CROCC: variants seen among roughly 807,000 people sequenced by gnomAD.
CROCC encodes ciliary rootlet coiled-coil, rootletin.
Under a neutral mutation model 245.2 loss-of-function variants are expected in CROCC, and 180 were observed. The ratio of observed to expected loss-of-function variants is 0.73; its 90% confidence interval spans 0.65 to 0.83. The LOEUF is 0.83. Ranked by LOEUF, CROCC falls within the 40% of genes least tolerant of loss-of-function variation. The pLI, the probability that CROCC is intolerant of heterozygous loss-of-function variation, is 0.00. For synonymous variants in CROCC, 1,205 were observed against 1,241.6 expected, an observed-to-expected ratio of 0.97 and a Z score of 0.62; for missense variants, 2,688 against 2,779.4, an observed-to-expected ratio of 0.97 and a Z score of 0.74.
intron 10 of CROCC, 150 bp from the exon 11 acceptor site, chr1:16,938,250 C>CG: frequency 1.4e-6 from 1 of 690,600 alleles, no homozygotes; most frequent in Non-Finnish European, 2.5e-6. Flanking sequence ...GTGAGGGCCT[C>CG]GGGCCTGCTG....
In CROCC at chr1:16,962,719, C is replaced by CAT. The variant is rs530941590; in HGVS notation, c.4405+1600_4405+1601dup. ...ATGTGTGTGTGTGTATATAAATATA[C>CAT]ATATATATATATGTATATTTTTTTT... On this transcript the variant is annotated intron_variant, in intron 27 of 36. Transcript: ENST00000375541. Among the ~76,000 whole-genome samples the CAT allele has an allele frequency of 2.8e-4, 41 of 147,444 alleles. 1 individual carries two copies. The highest frequency in any genetic ancestry group is 1.2e-3 in the East Asian group (6 of 4,906).
chr1:16,962,157 G>T (rs2076343759), intron 27 of CROCC, among the ~76,000 whole-genome samples: 5 of 151,560 alleles, frequency 3.3e-5, no homozygotes, highest in Admixed American at 3.3e-4. Flanking sequence ...CTGCCTCCTG[G>T]GTTCAAGTGA....
intron 13 of CROCC, chr1:16,940,854 C>G (rs2075915255): frequency 2.5e-6 from 1 of 403,756 alleles, no homozygotes; most frequent in South Asian, 1.8e-5. Flanking sequence ...TACCTCCCAA[C>G]TGCCCCTAGT....
chr1:16,920,484 C>T (rs2075380777), upstream of CROCC, among the ~76,000 whole-genome samples: 1 of 152,268 alleles, frequency 6.6e-6, no homozygotes, highest in East Asian at 1.9e-4. Context: ...TGAGCCACTG[C>T]ACCTGGCCTG....
intron 3 of CROCC, among the ~76,000 whole-genome samples, chr1:16,928,585 C>T (rs1453702593): frequency 6.6e-6 from 1 of 151,916 alleles, no homozygotes; most frequent in African/African-American, 2.4e-5. Context: ...GGGTGGATTA[C>T]GAGGTCAGGA....
rs776924993 is a variant in CROCC at position 16,940,005 on chromosome 1, C to T, written c.1720C>T (p.Arg574Trp). 2.5e-6 allele frequency: 4 copies of T among 1,611,940 alleles called. No homozygotes were observed. Among genetic ancestry groups the T allele is most frequent in the Admixed American group, 1.7e-5 (1 of 59,996 alleles). ...RALEEQLQRLRDKTDGAMQAH... is the reference protein window; with the variant it reads ...RALEEQLQRLWDKTDGAMQAH... Reference sequence around the variant, plus strand: ...CCTAGAGGAACAGCTGCAGCGCCTGCGGGACAAGACCGACGGCGCCATGCA... The same window carrying T: ...CCTAGAGGAACAGCTGCAGCGCCTGTGGGACAAGACCGACGGCGCCATGCA... Residue 574 changes from arginine to tryptophan, a missense_variant, in exon 13 of 37, where the codon CGG becomes TGG. Arg to Trp is a moderately radical substitution (Grantham distance 101). Around this residue, in one of 9 missense-constraint regions of CROCC, gnomAD observed 972 missense variants for 895.3 expected, o/e 1.09. Transcript: ENST00000375541.
In CROCC at chr1:16,922,646, T is replaced by C; in HGVS notation, c.61-17T>C. ...CGGGTCCCATGTCCCCTGAAGACCC[T>C]CTCGCTTTTCCCACAGACACTGGAG... is the stretch of plus-strand genomic sequence containing the variant. On this transcript the variant is annotated splice_polypyrimidine_tract_variant and intron_variant, in intron 1 of 36. Coordinates refer to ENST00000375541, the MANE Select transcript of CROCC (RefSeq NM_014675.5). The C allele has an allele frequency of 6.3e-7, 1 of 1,592,274 alleles. No homozygotes were observed. The highest frequency in any genetic ancestry group is 8.6e-7 in the Non-Finnish European group (1 of 1,168,792).
chr1:16,959,972 CAG>C (rs530051356), intron 26 of CROCC, among the ~76,000 whole-genome samples: 185 of 149,966 alleles, frequency 1.2e-3, no homozygotes, highest in African/African-American at 4.2e-3. Context: ...AAAAAAAAAA[CAG>C]AAACAAAAAC....
In CROCC at chr1:16,952,212, G is replaced by C. The variant is rs151333585; in HGVS notation, c.3006+1090G>C. ...TAAAGAAGGGGCGGTTTGGCCGGTC[G>C]TGCTGACTCATGCCTGTAATCCAGC... On this transcript the variant is annotated intron_variant, in intron 20 of 36. Transcript: ENST00000375541. 6.7e-5 allele frequency among the ~76,000 whole-genome samples: 10 copies of C among 148,164 alleles called. No individual in the cohort carries two copies. In the East Asian group the frequency reaches 1.9e-3, roughly 28 times the overall value.
intron 3 of CROCC, among the ~76,000 whole-genome samples, 194 bp from the exon 4 acceptor site, chr1:16,929,652 G>C (rs1260657397): frequency 6.6e-6 from 1 of 152,270 alleles, no homozygotes; most frequent in Non-Finnish European, 1.5e-5. Context: ...CCGTCTGCGT[G>C]CCCGTGCATG....
intron 13 of CROCC, chr1:16,941,033 A>C (rs539609182): frequency 1.2e-4 from 33 of 264,972 alleles, no homozygotes; most frequent in African/African-American, 6.4e-4. Flanking sequence ...AACATTTCTA[A>C]ATTTTTTGTA....
intron 16 of CROCC, 129 bp downstream of exon 16, chr1:16,946,534 C>T: frequency 7.4e-7 from 1 of 1,356,440 alleles, no homozygotes. Flanking sequence ...CTCTGTCTGT[C>T]TCTGGTTCTC....
At chr1:16,940,128 A>G (rs1443568081) in intron 13 of CROCC, 35 bp downstream of exon 13, 16 of 1,564,668 alleles carry the variant, frequency 1.0e-5, no homozygotes, top group Non-Finnish European at 1.3e-5. Flanking sequence ...GGTACTGAAG[A>G]ATAAGTCACC....
chr1:16,925,041 T>C (rs2075502283), intron 3 of CROCC, among the ~76,000 whole-genome samples: 1 of 152,280 alleles, frequency 6.6e-6, no homozygotes, highest in South Asian at 2.1e-4. Flanking sequence ...TGCTGCAGGC[T>C]TGTGGGGGTC....
chr1:16,927,514 C>A (rs1448495604), intron 3 of CROCC, among the ~76,000 whole-genome samples: 1 of 152,262 alleles, frequency 6.6e-6, no homozygotes, highest in African/African-American at 2.4e-5. Context: ...CACAGCCAGG[C>A]CCAACACCCG....
chr1:16,963,120 T>A (rs1161029884), intron 27 of CROCC, among the ~76,000 whole-genome samples: 1 of 142,698 alleles, frequency 7.0e-6, no homozygotes, highest in Non-Finnish European at 1.5e-5. Context: ...GAGGCAGAGG[T>A]TGTGGTGAGC....
chr1:16,965,000 G>A (rs911536375), intron 27 of CROCC, among the ~76,000 whole-genome samples: 3 of 152,050 alleles, frequency 2.0e-5, no homozygotes, highest in Non-Finnish European at 4.4e-5. Flanking sequence ...ATTTTCAGTA[G>A]AGACGGGGTT....
intron 27 of CROCC, among the ~76,000 whole-genome samples, chr1:16,962,534 CA>C (rs1197806001): frequency 0.012 from 270 of 21,876 alleles, 3 homozygotes; most frequent in African/African-American, 0.044. Context: ...GACTCCGTCT[CA>C]AAAAAAAAAA....
At chr1:16,914,249 G>A (rs2075280956) in intron 1 of CROCC, among the ~76,000 whole-genome samples, 1 of 152,098 alleles carries the variant, frequency 6.6e-6, no homozygotes, top group South Asian at 2.1e-4. Flanking sequence ...TGGGGGCGCT[G>A]TGTGTTCCGC....
Sources: gnomAD v4.1 joint callset for allele counts (sites outside exome capture counted in the v4.1 genomes callset) on GRCh38, gnomAD v4.1.1 for gene constraint, gnomAD v4.1.1 regional missense constraint, MANE v1.5 for transcripts, NCBI Gene and HGNC (gene_info 2026-07-23, HGNC 2026-07-21) for gene names.